COLEC11: variants seen among roughly 807,000 people sequenced by gnomAD.
COLEC11 encodes collectin subfamily member 11, also known as collectin-11.
Under a neutral mutation model 27.3 loss-of-function variants are expected in COLEC11, and 20 were observed. That is an observed-to-expected ratio of 0.73 (90% CI 0.51 to 1.06). The LOEUF (loss-of-function observed/expected upper bound fraction) is 1.06. Ranked by LOEUF, COLEC11 falls within the 50% of genes least tolerant of loss-of-function variation. The pLI, the probability that COLEC11 is intolerant of heterozygous loss-of-function variation, is 0.00. For missense variants in COLEC11, 310 were observed against 383.0 expected (o/e 0.81, Z 1.59); for synonymous variants, 163 against 154.7 (o/e 1.05, Z -0.40).
intron 2 of COLEC11, 65 bp from the exon 3 acceptor site, chr2:3,613,246 A>G (rs1046406455): frequency 1.3e-6 from 2 of 1,532,156 alleles, no homozygotes; most frequent in Non-Finnish European, 1.8e-6. Context: ...TTCTTCCTCC[A>G]CAAATCACTC....
chr2:3,607,420 T>C (rs376896323), intron 2 of COLEC11, among the ~76,000 whole-genome samples: 2 of 151,572 alleles, frequency 1.3e-5, no homozygotes, highest in South Asian at 2.1e-4. Context: ...GTTCTTCTTA[T>C]AGGCTTTATC....
intron 3 of COLEC11, among the ~76,000 whole-genome samples, chr2:3,619,757 C>A (rs762534570): frequency 7.9e-5 from 12 of 152,168 alleles, no homozygotes; most frequent in Admixed American, 1.3e-4. Context: ...GCCCAAGTAG[C>A]TGGGATTACA....
At chr2:3,627,791 C>T (rs1303208079) in intron 3 of COLEC11, among the ~76,000 whole-genome samples, 5 of 149,820 alleles carry the variant, frequency 3.3e-5, no homozygotes, top group Admixed American at 2.0e-4. Flanking sequence ...CTGGGCACGA[C>T]GATGCTGGGC....
intron 5 of COLEC11, 152 bp downstream of exon 5, chr2:3,640,483 T>TC (rs1665765970): frequency 1.9e-6 from 1 of 524,874 alleles, no homozygotes; most frequent in Non-Finnish European, 3.4e-6. Context: ...CATCCCACAG[T>TC]GGACACCCAC....
chr2:3,631,263 C>T (rs369518755), intron 3 of COLEC11, among the ~76,000 whole-genome samples: 1 of 152,054 alleles, frequency 6.6e-6, no homozygotes, highest in East Asian at 1.9e-4. Context: ...AAAAAAGATG[C>T]TTAGGCATTC....
intron 1 of COLEC11, chr2:3,603,894 T>C: frequency 1.7e-6 from 1 of 589,024 alleles, no homozygotes; most frequent in Non-Finnish European, 3.0e-6. Flanking sequence ...CTCAGGCGCC[T>C]TGGCTGTTTC....
In COLEC11 at chr2:3,643,454, T is replaced by G; in HGVS notation, c.339T>G (p.Cys113Trp). 1 of 1,613,596 alleles carries G rather than the reference T, an allele frequency of 6.2e-7. No individual in the cohort carries two copies. The highest frequency in any genetic ancestry group is 1.1e-5 in the South Asian group (1 of 91,078). The change falls in exon 6 of 7, where the codon TGT becomes TGG. Residue 113 changes from cysteine to tryptophan, a missense_variant. By Grantham distance (215) the Cys-to-Trp change is radical (BLOSUM62 -2). Coordinates refer to ENST00000349077, the MANE Select transcript of COLEC11 (RefSeq NM_024027.5). The part of the protein sequence containing the change: ...PGPNGEPGLP[C>W]ECSQLRKAIG... ...GCCTGGCCCCCGCAGGCCTCCCATG[T>G]GAGTGCAGCCAGCTGCGCAAGGCCA...
chr2:3,597,569 G>A (rs553644197), intron 1 of COLEC11, among the ~76,000 whole-genome samples: 21 of 152,256 alleles, frequency 1.4e-4, no homozygotes, highest in African/African-American at 4.6e-4. Context: ...GGACATCTGC[G>A]GAGTGAGGGC....
intron 3 of COLEC11, chr2:3,617,549 T>G: frequency 1.3e-6 from 2 of 1,589,260 alleles, no homozygotes; most frequent in Non-Finnish European, 1.7e-6. Flanking sequence ...CACGCCTCAC[T>G]ACGATTTGCC....
chr2:3,637,245 C>G (rs137989697), intron 3 of COLEC11, among the ~76,000 whole-genome samples: 49 of 152,310 alleles, frequency 3.2e-4, no homozygotes, highest in Admixed American at 3.9e-4. Context: ...GGGGATGGAC[C>G]GTGGTTGAGT....
At chr2:3,606,140 C>A in intron 2 of COLEC11, 2 of 1,550,548 alleles carry the variant, frequency 1.3e-6, no homozygotes, top group Non-Finnish European at 1.7e-6. Flanking sequence ...AGGTTGGAAA[C>A]GGTGGCTGTG....
intron 3 of COLEC11, among the ~76,000 whole-genome samples, chr2:3,623,263 G>A (rs1284181287): frequency 6.6e-6 from 1 of 152,088 alleles, no homozygotes; most frequent in African/African-American, 2.4e-5. Context: ...ATGTATCTTG[G>A]TGAAGTTTTC....
chr2:3,612,943 C>T (rs537058684), intron 2 of COLEC11, among the ~76,000 whole-genome samples: 2 of 149,650 alleles, frequency 1.3e-5, no homozygotes, highest in African/African-American at 5.1e-5. Context: ...TGACGCTTCC[C>T]ATGGGGGCGC....
chr2:3,616,486 C>G (rs556742002), intron 3 of COLEC11, among the ~76,000 whole-genome samples: 1 of 152,170 alleles, frequency 6.6e-6, no homozygotes, highest in Non-Finnish European at 1.5e-5. Context: ...ACTGAGTGAA[C>G]GAGACTCCGT....
chr2:3,644,238 G>A lies in COLEC11; in HGVS notation c.*120G>A, dbSNP rs567826922. The A allele has an allele frequency of 2.4e-5, 30 of 1,259,258 alleles. 1 individual carries two copies. In the South Asian group the frequency reaches 2.8e-4, roughly 12 times the overall value. The allele number at this position is 1,259,258 out of a possible 1,614,324, so 78.0% of individuals were successfully genotyped here. A position where few individuals can be genotyped will look rare whatever the true frequency, so the allele number is the denominator to read the frequency against. ...CCTCTGTGAAGGGTGGAGGCTCACTGAGTAGAGGGCTGTTGTCTAAACTGA... is the reference window on the plus strand; with the variant it reads ...CCTCTGTGAAGGGTGGAGGCTCACTAAGTAGAGGGCTGTTGTCTAAACTGA... On this transcript the variant is annotated 3_prime_UTR_variant, in exon 7 of 7. Coordinates refer to ENST00000349077, the MANE Select transcript of COLEC11 (RefSeq NM_024027.5).
In COLEC11 at chr2:3,604,306, T is replaced by C; in HGVS notation, c.-26-9T>C. Reference sequence around the variant, plus strand: ...GTTCCCATCACTGTTTATTCCTTCCTCTGTGTAGGAGTTGGTGTCCTGCCT... The same window carrying C: ...GTTCCCATCACTGTTTATTCCTTCCCCTGTGTAGGAGTTGGTGTCCTGCCT... On this transcript the variant is annotated splice_polypyrimidine_tract_variant and intron_variant, in intron 1 of 6. Transcript: ENST00000349077. 6.2e-7 allele frequency: 1 copy of C among 1,614,060 alleles called. No individual in the cohort carries two copies.
At chr2:3,619,363 A>G (rs889274167) in intron 3 of COLEC11, among the ~76,000 whole-genome samples, 7 of 152,198 alleles carry the variant, frequency 4.6e-5, no homozygotes, top group Non-Finnish European at 8.8e-5. Context: ...TTTAGAGTAA[A>G]GCTTTCAGCT....
chr2:3,634,856 C>T (rs1018862417), intron 3 of COLEC11, among the ~76,000 whole-genome samples: 2 of 152,110 alleles, frequency 1.3e-5, no homozygotes, highest in African/African-American at 4.8e-5. Flanking sequence ...TGTGAGACCT[C>T]CTGGCTGTCC....
intron 2 of COLEC11, among the ~76,000 whole-genome samples, chr2:3,609,108 G>T (rs577405078): frequency 2.0e-5 from 3 of 152,236 alleles, no homozygotes; most frequent in Non-Finnish European, 4.4e-5. Context: ...TACAACTACA[G>T]ACACAGGTCC....
Sources: allele counts gnomAD v4.1 joint callset (sites outside exome capture counted in the v4.1 genomes callset), GRCh38; gene constraint gnomAD v4.1.1; transcripts MANE v1.5; gene names NCBI Gene and HGNC (gene_info 2026-07-23, HGNC 2026-07-21).